Variants in PSMD9 observed in about 807,000 individuals in gnomAD.
PSMD9 encodes the protein 26S proteasome non-ATPase regulatory subunit 9.
A neutral mutation model predicts 25.9 loss-of-function variants in PSMD9; 26 were observed. The observed-to-expected ratio is 1.00, with a 90% CI of 0.73 to 1.39. PSMD9 has a LOEUF of 1.39. Ranked by LOEUF, PSMD9 falls within the 40% of genes most tolerant of loss-of-function variation. The pLI, the probability that PSMD9 is intolerant of heterozygous loss-of-function variation, is 0.00. For synonymous variants in PSMD9, 110 were observed against 114.5 expected (o/e 0.96, Z 0.25); for missense variants, 303 against 299.3 (o/e 1.01, Z -0.09).
rs747949240 is a variant in PSMD9, at chr12:121,894,860, AG to A, written c.241+20del. Reference sequence around the variant, plus strand: ...ATCATATGTGAGTGGCCCTCTTAGAAGACTTTCCCCACCTTGTGGTGGGAAG... The same window carrying A: ...ATCATATGTGAGTGGCCCTCTTAGAAACTTTCCCCACCTTGTGGTGGGAAG... On this transcript the variant is annotated intron_variant, in intron 2 of 5. Transcript: ENST00000541212. 12 of 1,602,776 alleles carry A rather than the reference AG, an allele frequency of 7.5e-6. No individual in the cohort carries two copies. Among genetic ancestry groups the A allele is most frequent in the Non-Finnish European group, 1.0e-5 (12 of 1,172,540 alleles).
Position 121,916,322 on chromosome 12 carries a change from G to A in PSMD9, c.*11G>A, listed in dbSNP as rs553228163. ...CCTCTGCAAAGATGATTGTCCCTGG[G>A]GAACAGTAACAGGAAAGCATCTTCC... On this transcript the variant is annotated 3_prime_UTR_variant, in exon 6 of 6. Coordinates refer to ENST00000541212, the MANE Select transcript of PSMD9 (RefSeq NM_002813.7). 2 of 1,613,746 alleles carry A rather than the reference G, an allele frequency of 1.2e-6. No individual in the cohort carries two copies. Among genetic ancestry groups the A allele is most frequent in the African/African-American group, 1.3e-5 (1 of 75,012 alleles).
chr12:121,895,706 C>G (rs191734924), intron 2 of PSMD9, among the ~76,000 whole-genome samples: 1 of 152,214 alleles, frequency 6.6e-6, no homozygotes, highest in African/African-American at 2.4e-5. Flanking sequence ...ACTCTCCTGC[C>G]TCCCTCTTTC....
In PSMD9 at chr12:121,894,770, T is replaced by C; in HGVS notation, c.170T>C (p.Val57Ala). ...QKGIGMNEPL[V>A]DCEGYPRSDV... ...GGCATTGGGATGAACGAGCCGCTGG[T>C]GGACTGTGAGGGCTACCCCCGGTCA... The change falls in exon 2 of 6, where the codon GTG becomes GCG. Residue 57 changes from valine to alanine, a missense_variant. By Grantham distance (64) the Val-to-Ala change is moderately conservative. Transcript: ENST00000541212. 1 of 1,614,062 alleles carries C rather than the reference T, an allele frequency of 6.2e-7. No homozygotes were observed. The highest frequency in any genetic ancestry group is 8.5e-7 in the Non-Finnish European group (1 of 1,180,010).
At chr12:121,915,711 C>A in intron 4 of PSMD9, 145 bp from the exon 5 acceptor site, 2 of 722,616 alleles carry the variant, frequency 2.8e-6, no homozygotes, top group Admixed American at 2.7e-5. Flanking sequence ...GTGCCACGTT[C>A]CCCACCCTCT....
Position 121,903,179 on chromosome 12 carries a change from C to G in PSMD9, c.555+72C>G, listed in dbSNP as rs1879451301. ...AGTATGCCATAGACTGCGTGGCTTA[C>G]AAACAACAGAAGTTCATTTTTCACA... On this transcript the variant is annotated intron_variant, in intron 4 of 5. Coordinates refer to ENST00000541212, the MANE Select transcript of PSMD9 (RefSeq NM_002813.7). 3.8e-6 allele frequency: 5 copies of G among 1,323,090 alleles called. No homozygotes were observed. In the South Asian group the frequency reaches 4.8e-5, roughly 13 times the overall value. The allele number at this position is 1,323,090 out of a possible 1,614,324, so 82.0% of individuals were successfully genotyped here.
chr12:121,907,506 C>T (rs1879596346), intron 4 of PSMD9, among the ~76,000 whole-genome samples: 1 of 152,130 alleles, frequency 6.6e-6, no homozygotes, highest in Non-Finnish European at 1.5e-5. Context: ...AGCGAACTTC[C>T]TACAGCTGGG....
At position 121,888,882 on chromosome 12, in the gene PSMD9, G is replaced by C. The variant is rs771610560; in HGVS notation, c.26G>C (p.Ser9Thr). The stretch of plus-strand genomic sequence containing the variant: ...ATGTCCGACGAGGAAGCGAGGCAGA[G>C]CGGAGGCTCCTCGCAGGCCGGCGTC... Reference protein sequence around the residue: MSDEEARQSGGSSQAGVVT... With the variant: MSDEEARQTGGSSQAGVVT... The change falls in exon 1 of 6, where the codon AGC becomes ACC. Residue 9 changes from serine (S) to threonine (T), a missense_variant. Ser to Thr is a moderately conservative substitution (Grantham distance 58). Transcript: ENST00000541212. The C allele has an allele frequency of 6.2e-7, 1 of 1,603,738 alleles. No homozygotes were observed. Among genetic ancestry groups the C allele is most frequent in the Non-Finnish European group, 8.5e-7 (1 of 1,176,022 alleles).
Position 121,916,281 on chromosome 12 carries a change from C to T in PSMD9, c.645-3C>T. The stretch of plus-strand genomic sequence containing the variant: ...ACGCCATTCCTTTTCTTCTTTCTTC[C>T]AGCTGCAACATTATTCCTCTGCAAA... On this transcript the variant is annotated splice_polypyrimidine_tract_variant and splice_region_variant and intron_variant, in intron 5 of 5. Coordinates refer to ENST00000541212, the MANE Select transcript of PSMD9 (RefSeq NM_002813.7). 6.2e-7 allele frequency: 1 copy of T among 1,614,114 alleles called. No individual in the cohort carries two copies. The highest frequency in any genetic ancestry group is 8.5e-7 in the Non-Finnish European group (1 of 1,179,980).
chr12:121,890,130 C>G (rs1425675235), intron 1 of PSMD9, among the ~76,000 whole-genome samples: 2 of 151,970 alleles, frequency 1.3e-5, no homozygotes, highest in African/African-American at 2.4e-5. Context: ...TTGGTCAGGC[C>G]GGTGTTGGAT....
Position 121,908,424 on chromosome 12 carries a change from C to A in PSMD9, c.555+5317C>A, listed in dbSNP as rs566397704. On this transcript the variant is annotated intron_variant, in intron 4 of 5. Transcript: ENST00000541212. ...TAATTCCTGACCTCAGATGATCTGC[C>A]CGCTTCGGCCTCCCAAAGTGCTGAG... Among the ~76,000 whole-genome samples the A allele has an allele frequency of 3.9e-5, 6 of 152,270 alleles. No individual in the cohort carries two copies. The South Asian group carries it at 1.0e-3, about 26-fold the overall frequency.
intron 4 of PSMD9, among the ~76,000 whole-genome samples, chr12:121,907,423 T>C (rs1486048124): frequency 6.6e-6 from 1 of 151,994 alleles, no homozygotes; most frequent in African/African-American, 2.4e-5. Context: ...TCTTGCTCTG[T>C]CACCCAGGCT....
At chr12:121,891,295 CT>C (rs781437266) in intron 1 of PSMD9, among the ~76,000 whole-genome samples, 1 of 92,658 alleles carries the variant, frequency 1.1e-5, no homozygotes, top group Non-Finnish European at 2.2e-5. Context: ...GATGCTGTCT[CT>C]TTAAAAAAAA....
In PSMD9 at chr12:121,899,759, A is replaced by T. The variant is rs1021689153; in HGVS notation, c.367A>T (p.Lys123Ter). 2 of 1,613,968 alleles carry T rather than the reference A, an allele frequency of 1.2e-6. No individual in the cohort carries two copies. Among genetic ancestry groups the T allele is most frequent in the Non-Finnish European group, 1.7e-6 (2 of 1,179,972 alleles). The change falls in exon 3 of 6, where the codon AAA becomes TAA. Residue 123 changes from lysine to a stop codon, truncating the protein, a stop_gained. Coordinates refer to ENST00000541212, the MANE Select transcript of PSMD9 (RefSeq NM_002813.7). LOFTEE classifies it high-confidence loss of function. ...GGCCCACAAAGAGGCCATGAGCCGC[A>T]AACTGGGTCAGAGTGAGAGCCAGGG... ...AEAHKEAMSR[K>*]LGQSESQGPP...
At position 121,899,755 on chromosome 12, in the gene PSMD9, C is replaced by A. The variant is rs747867040; in HGVS notation, c.363C>A (p.Ser121Arg). The A allele has an allele frequency of 1.2e-6, 2 of 1,614,058 alleles. 1 individual carries two copies. The highest frequency in any genetic ancestry group is 2.2e-5 in the South Asian group (2 of 91,078). ...CTGAGGCCCACAAAGAGGCCATGAG[C>A]CGCAAACTGGGTCAGAGTGAGAGCC... ...DMAEAHKEAM[S>R]RKLGQSESQG... Residue 121 changes from serine to arginine, a missense_variant, in exon 3 of 6, where the codon AGC becomes AGA. Ser to Arg is a moderately radical substitution (Grantham distance 110). Transcript: ENST00000541212.
rs982073555 is a variant in PSMD9, at chr12:121,917,814, C to T, written c.*1503C>T. The T allele has an allele frequency of 3.3e-5, 5 of 152,232 alleles. No individual in the cohort carries two copies. The highest frequency in any genetic ancestry group is 1.2e-4 in the African/African-American group (5 of 41,462). The allele number at this position is 152,232 out of a possible 1,614,324, so 9.4% of individuals were successfully genotyped here. A position where few individuals can be genotyped will look rare whatever the true frequency, so the allele number is the denominator to read the frequency against. Reference sequence around the variant, plus strand: ...GCATGTTCTAATTCCACGTATTTTCCAGTCTCTTTTATAAAGTCTCAGACT... The same window carrying T: ...GCATGTTCTAATTCCACGTATTTTCTAGTCTCTTTTATAAAGTCTCAGACT... On this transcript the variant is annotated 3_prime_UTR_variant, in exon 6 of 6. Transcript: ENST00000541212.
At chr12:121,895,402 A>T (rs1879201182) in intron 2 of PSMD9, among the ~76,000 whole-genome samples, 1 of 152,032 alleles carries the variant, frequency 6.6e-6, no homozygotes, top group South Asian at 2.1e-4. Flanking sequence ...TTTGTTTTTA[A>T]TTAAAGAGCT....
At chr12:121,904,409 C>T (rs966902830) in intron 4 of PSMD9, among the ~76,000 whole-genome samples, 3 of 149,202 alleles carry the variant, frequency 2.0e-5, no homozygotes, top group African/African-American at 7.6e-5. Context: ...CCCGTCTCTA[C>T]TAAAAATACA....
At chr12:121,909,421 C>G (rs1310439714) in intron 4 of PSMD9, among the ~76,000 whole-genome samples, 1 of 151,870 alleles carries the variant, frequency 6.6e-6, no homozygotes, top group African/African-American at 2.4e-5. Flanking sequence ...TTGAGCAGTC[C>G]TCCTGCCTTG....
intron 1 of PSMD9, among the ~76,000 whole-genome samples, chr12:121,890,807 G>T (rs906061158): frequency 2.0e-5 from 3 of 151,924 alleles, no homozygotes; most frequent in Admixed American, 1.3e-4. Flanking sequence ...TCAAAACTCC[G>T]CTGCATATGG....
Sources: allele counts gnomAD v4.1 joint callset (sites outside exome capture counted in the v4.1 genomes callset), GRCh38; gene constraint gnomAD v4.1.1; transcripts MANE v1.5; gene names NCBI Gene and HGNC (gene_info 2026-07-23, HGNC 2026-07-21).